The following CENPM variants were observed in gnomAD, a reference collection of about 807,000 sequenced individuals.
CENPM encodes the protein centromere protein M.
A neutral mutation model predicts 19.6 loss-of-function variants in CENPM; 14 were observed. That is an observed-to-expected ratio of 0.71 (90% CI 0.47 to 1.11). The LOEUF is 1.11. Among genes scored for constraint, CENPM ranks in the 50% most tolerant of loss-of-function variants. The pLI is 0.00. For missense variants in CENPM, 239 were observed against 228.4 expected (o/e 1.05, Z -0.30); for synonymous variants, 114 against 101.5 (o/e 1.12, Z -0.74).
intron 3 of CENPM, 121 bp from the exon 4 acceptor site, chr22:41,945,425 C>G: frequency 6.8e-7 from 1 of 1,461,438 alleles, no homozygotes; most frequent in Non-Finnish European, 9.1e-7. Flanking sequence ...GTGACTTTCT[C>G]TGGAGAAATA....
intron 5 of CENPM, among the ~76,000 whole-genome samples, chr22:41,941,505 G>C (rs1283669513): frequency 2.6e-5 from 4 of 152,176 alleles, no homozygotes; most frequent in African/African-American, 9.7e-5. Context: ...GGGTGAGTAG[G>C]CACCACTGTC....
chr22:41,946,527 C>T (rs1249242273), intron 1 of CENPM, 31 bp from the exon 2 acceptor site: 5 of 1,597,042 alleles, frequency 3.1e-6, no homozygotes, highest in South Asian at 1.1e-5. Context: ...GACAGTCGAG[C>T]CCTAGGCACA....
the CENPM span, among the ~76,000 whole-genome samples, chr22:41,929,544 A>C: frequency 6.6e-6 from 1 of 152,174 alleles, no homozygotes; most frequent in Non-Finnish European, 1.5e-5. Flanking sequence ...ACTCGAGGAG[A>C]CTGCTCTCAA....
downstream of CENPM, among the ~76,000 whole-genome samples, chr22:41,933,962 G>T (rs2077673681): frequency 6.6e-6 from 1 of 152,232 alleles, no homozygotes; most frequent in African/African-American, 2.4e-5. Context: ...ATGGAGTCAG[G>T]CTCTTCAGTT....
the CENPM span, among the ~76,000 whole-genome samples, chr22:41,932,316 G>A: frequency 6.6e-6 from 1 of 152,202 alleles, no homozygotes; most frequent in Non-Finnish European, 1.5e-5. The surrounding 1 kb of genome is among the most constrained non-coding windows in gnomAD (Gnocchi z 4.3). Context: ...ATGCAGTGCC[G>A]TGGGCCTCGG....
downstream of CENPM, among the ~76,000 whole-genome samples, chr22:41,937,391 G>A (rs567952119): frequency 3.3e-5 from 5 of 152,264 alleles, no homozygotes; most frequent in South Asian, 1.0e-3. Context: ...CGCCTCCTGG[G>A]TTCAAGCAAT....
intron 4 of CENPM, chr22:41,944,766 A>G (rs2077779723): frequency 1.0e-6 from 1 of 985,310 alleles, no homozygotes; most frequent in South Asian, 4.7e-5. Flanking sequence ...GCAGAGGCCA[A>G]ACTGCAAAGT....
At chr22:41,946,310 G>C (rs1254725731) in intron 2 of CENPM, 107 bp downstream of exon 2, 6 of 944,964 alleles carry the variant, frequency 6.3e-6, no homozygotes, top group Non-Finnish European at 9.8e-6. Flanking sequence ...CTGGGAGAAG[G>C]ACCAGCCTCA....
intron 4 of CENPM, 100 bp downstream of exon 4, chr22:41,945,125 T>C (rs751627735): frequency 4.4e-6 from 7 of 1,582,446 alleles, no homozygotes; most frequent in African/African-American, 1.3e-5. Context: ...GTAAAATACA[T>C]GCTCTTTCCA....
At chr22:41,934,306 G>A (rs1333754314), downstream of CENPM, among the ~76,000 whole-genome samples, 13 of 152,322 alleles carry the variant, frequency 8.5e-5, no homozygotes, top group East Asian at 2.5e-3. Flanking sequence ...ACTCCCTGGG[G>A]TCCCAAGGAC....
chr22:41,931,454 T>A, the CENPM span, among the ~76,000 whole-genome samples: 2 of 151,580 alleles, frequency 1.3e-5, no homozygotes, highest in Non-Finnish European at 2.9e-5. Flanking sequence ...CACTCCAGCC[T>A]GGCTGACAGA....
chr22:41,932,567 C>T, the CENPM span, among the ~76,000 whole-genome samples: 7 of 152,248 alleles, frequency 4.6e-5, no homozygotes, highest in Non-Finnish European at 2.9e-5. The surrounding 1 kb of genome is among the most constrained non-coding windows in gnomAD (Gnocchi z 4.3). Flanking sequence ...CACACACGCG[C>T]GCTCCTGCAC....
intron 4 of CENPM, among the ~76,000 whole-genome samples, chr22:41,944,346 G>C (rs2077773751): frequency 6.8e-6 from 1 of 147,992 alleles, no homozygotes; most frequent in African/African-American, 2.5e-5. Context: ...TGAGATGGGA[G>C]AATTGCTTGA....
At chr22:41,932,231 C>T in the CENPM span, among the ~76,000 whole-genome samples, 2 of 152,228 alleles carry the variant, frequency 1.3e-5, no homozygotes, top group Non-Finnish European at 1.5e-5. The surrounding 1 kb of genome is among the most constrained non-coding windows in gnomAD (Gnocchi z 4.3). Flanking sequence ...TTTCCTTTCC[C>T]TTCTCCTGTA....
At chr22:41,945,512 G>C in intron 3 of CENPM, 1 of 1,008,966 alleles carries the variant, frequency 9.9e-7, no homozygotes, top group South Asian at 1.8e-5. Context: ...GTGCAGTAGC[G>C]CGATCTTGGC....
chr22:41,934,489 C>A (rs762326749), downstream of CENPM, among the ~76,000 whole-genome samples: 2 of 152,218 alleles, frequency 1.3e-5, no homozygotes, highest in African/African-American at 4.8e-5. Context: ...TTCGCCCCCC[C>A]ATTCCCAGCC....
intron 4 of CENPM, chr22:41,944,548 TA>T: frequency 1.6e-6 from 1 of 606,638 alleles, no homozygotes; most frequent in Non-Finnish European, 2.1e-6. Context: ...CTCATGACTG[TA>T]AAACAGAGGT....
chr22:41,937,772 G>A (rs2077689986), downstream of CENPM, among the ~76,000 whole-genome samples: 3 of 152,260 alleles, frequency 2.0e-5, no homozygotes, highest in East Asian at 1.9e-4. Context: ...CAACAACCAG[G>A]TTCTATAATA....
chr22:41,930,580 C>A, the CENPM span, among the ~76,000 whole-genome samples: 1 of 151,372 alleles, frequency 6.6e-6, no homozygotes, highest in Non-Finnish European at 1.5e-5. Flanking sequence ...ATAAGCAACA[C>A]CCAACTCAGC....
Sources: allele counts gnomAD v4.1 joint callset (sites outside exome capture counted in the v4.1 genomes callset), GRCh38; gene constraint gnomAD v4.1.1; non-coding constraint Gnocchi (gnomAD v3.1); transcripts MANE v1.5; gene names NCBI Gene and HGNC (gene_info 2026-07-23, HGNC 2026-07-21).